The following CBL variants were observed in gnomAD, a reference collection of about 807,000 sequenced individuals.
CBL encodes the protein Cbl proto-oncogene.
CBL carries 45 observed loss-of-function variants against 96.9 expected under a neutral mutation model. The observed-to-expected ratio is 0.46, with a 90% confidence interval of 0.37 to 0.60. The LOEUF (loss-of-function observed/expected upper bound fraction) is 0.60. CBL is among the 20% of genes least tolerant of loss of function. The pLI is 0.00. For missense variants in CBL, 1,024 were observed against 1,143.5 expected, an observed-to-expected ratio of 0.90 and a Z score of 1.51; for synonymous variants, 420 against 426.8, an observed-to-expected ratio of 0.98 and a Z score of 0.20.
chr11:119,288,486 G>C (rs932977657), intron 12 of CBL, among the ~76,000 whole-genome samples: 1 of 151,832 alleles, frequency 6.6e-6, no homozygotes, highest in South Asian at 2.1e-4. Flanking sequence ...CAGAGAGAGA[G>C]AGAGAGAGCA....
In CBL at chr11:119,246,459, T is replaced by G. The variant is rs546549507; in HGVS notation, c.443+13764T>G. On this transcript the variant is annotated intron_variant, in intron 2 of 15. Transcript: ENST00000264033. ...CAAAACTGAACGAGTGTTAGTTTCT[T>G]TTTTCTTTTGAGATGGGAGTCTTGC... 1.8e-4 allele frequency among the ~76,000 whole-genome samples: 27 copies of G among 151,992 alleles called. No homozygotes were observed. The East Asian group carries it at 5.1e-3, about 28-fold the overall frequency.
Position 119,285,301 on chromosome 11 carries a change from G to A in CBL, c.1676G>A (p.Arg559Gln), listed in dbSNP as rs143034856. 9 of 1,613,902 alleles carry A rather than the reference G, an allele frequency of 5.6e-6. No homozygotes were observed. Among genetic ancestry groups the A allele is most frequent in the African/African-American group, 2.7e-5 (2 of 74,848 alleles). The change falls in exon 11 of 16, where the codon CGA (arginine) becomes CAA (glutamine). Residue 559 changes from arginine (R) to glutamine (Q), a missense_variant. Transcript: ENST00000264033. ...DRPYSVGAES[R>Q]PQRRPLPCTP... ...CCATATTCTGTTGGAGCAGAATCCC[G>A]ACCTCAAAGACGCCCCTTGCCTTGT...
chr11:119,208,126 G>GA (rs1949288846), intron 1 of CBL, among the ~76,000 whole-genome samples: 1 of 152,064 alleles, frequency 6.6e-6, no homozygotes. Context: ...AATCCTTACA[G>GA]AAAGTTTAGG....
chr11:119,232,416 A>C, intron 1 of CBL, 32 bp from the exon 2 acceptor site: 1 of 1,610,412 alleles, frequency 6.2e-7, no homozygotes, highest in Non-Finnish European at 8.5e-7. Context: ...AAAATTCTCC[A>C]AGTAATAGCC....
At chr11:119,277,237 T>A (rs1176466673) in intron 6 of CBL, among the ~76,000 whole-genome samples, 1 of 57,882 alleles carries the variant, frequency 1.7e-5, no homozygotes, top group African/African-American at 1.0e-4. Flanking sequence ...TAAGAATCTG[T>A]CGCGCACACA....
chr11:119,272,297 A>G (rs536419479), intron 3 of CBL, among the ~76,000 whole-genome samples: 2 of 152,036 alleles, frequency 1.3e-5, no homozygotes, highest in Non-Finnish European at 2.9e-5. Context: ...AATTTTTTGC[A>G]TTTTTAATAG....
At chr11:119,296,583 C>T (rs1344326899) in intron 12 of CBL, among the ~76,000 whole-genome samples, 1 of 152,156 alleles carries the variant, frequency 6.6e-6, no homozygotes, top group Non-Finnish European at 1.5e-5. Flanking sequence ...CTAACATTGT[C>T]AGAAAAAATC....
At chr11:119,269,999 A>G (rs1949831189) in intron 2 of CBL, among the ~76,000 whole-genome samples, 1 of 80,388 alleles carries the variant, frequency 1.2e-5, no homozygotes, top group South Asian at 1.2e-3. Context: ...TCCGTCTCAA[A>G]ATAAATAAAT....
chr11:119,244,655 C>T (rs531334098), intron 2 of CBL, among the ~76,000 whole-genome samples: 2 of 148,704 alleles, frequency 1.3e-5, no homozygotes, highest in East Asian at 4.0e-4. Flanking sequence ...GATCTCGGCT[C>T]ACTGCAAGCT....
At chr11:119,211,389 A>T (rs2135248368) in intron 1 of CBL, among the ~76,000 whole-genome samples, 1 of 152,024 alleles carries the variant, frequency 6.6e-6, no homozygotes, top group East Asian at 1.9e-4. Flanking sequence ...AACAACAAAA[A>T]ATCTTATTGT....
intron 2 of CBL, among the ~76,000 whole-genome samples, chr11:119,258,250 A>G (rs958486571): frequency 1.1e-4 from 16 of 152,160 alleles, no homozygotes; most frequent in African/African-American, 3.9e-4. Flanking sequence ...AAAACAAAAA[A>G]CAAAAAGACT....
chr11:119,221,968 A>T (rs1479380091), intron 1 of CBL, among the ~76,000 whole-genome samples: 3 of 152,160 alleles, frequency 2.0e-5, no homozygotes, highest in African/African-American at 7.2e-5. Context: ...ACTAGAGCCC[A>T]GGTCTCTGGA....
At chr11:119,236,181 C>G (rs1221136054) in intron 2 of CBL, among the ~76,000 whole-genome samples, 1 of 152,092 alleles carries the variant, frequency 6.6e-6, no homozygotes, top group Non-Finnish European at 1.5e-5. Flanking sequence ...ATTTTCACCC[C>G]CCAACAGGAA....
rs1006228086 is a variant in CBL at position 119,302,031 on chromosome 11, A to G, written c.*2250A>G. The G allele has an allele frequency of 9.0e-5, 21 of 232,984 alleles. No homozygotes were observed. The East Asian group carries it at 1.2e-3, about 13-fold the overall frequency. The allele number at this position is 232,984 out of a possible 1,614,324, so 14.4% of individuals were successfully genotyped here. On this transcript the variant is annotated 3_prime_UTR_variant, in exon 16 of 16. Coordinates refer to ENST00000264033, the MANE Select transcript of CBL (RefSeq NM_005188.4). The stretch of plus-strand genomic sequence containing the variant: ...TATCTTTTGCCTTTTCCATGCATCT[A>G]AATCTTCTCTGGAGATTATCTCCCT...
At chr11:119,274,439 C>T (rs930560312) in intron 4 of CBL, among the ~76,000 whole-genome samples, 31 of 152,150 alleles carry the variant, frequency 2.0e-4, no homozygotes, top group Non-Finnish European at 3.5e-4. Flanking sequence ...AAAACAACTC[C>T]TTTCTTTTTC....
chr11:119,222,031 T>G (rs1055773568), intron 1 of CBL, among the ~76,000 whole-genome samples: 1 of 152,138 alleles, frequency 6.6e-6, no homozygotes, highest in Admixed American at 6.6e-5. Flanking sequence ...TATTCATCCT[T>G]TTAAATTATA....
At chr11:119,278,022 T>C in intron 7 of CBL, 144 bp from the exon 8 acceptor site, 1 of 885,708 alleles carries the variant, frequency 1.1e-6, no homozygotes, top group Non-Finnish European at 1.8e-6. Flanking sequence ...AGATGCTTTC[T>C]GGTTTAATAA....
At position 119,271,762 on chromosome 11, in the gene CBL, C is replaced by G; in HGVS notation, c.471C>G (p.Ile157Met). 2 of 1,613,934 alleles carry G rather than the reference C, an allele frequency of 1.2e-6. No individual in the cohort carries two copies. The highest frequency in any genetic ancestry group is 1.7e-5 in the Admixed American group (1 of 60,024). Residue 157 changes from isoleucine (I) to methionine (M), a missense_variant, in exon 3 of 16, where the codon ATC becomes ATG. Ile to Met is a conservative substitution (Grantham distance 10). Around this residue, in one of 4 missense-constraint regions of CBL, gnomAD observed 192 missense variants for 321.8 expected, o/e 0.60. Coordinates refer to ENST00000264033, the MANE Select transcript of CBL (RefSeq NM_005188.4). Reference protein sequence around the residue: ...PRRNLTKLSLIFSHMLAELKG... With the variant: ...PRRNLTKLSLMFSHMLAELKG... ...GAAACCTAACCAAACTGTCCCTCAT[C>G]TTCAGCCACATGCTGGCAGAACTAA...
At chr11:119,251,227 A>G (rs2135280119) in intron 2 of CBL, among the ~76,000 whole-genome samples, 1 of 152,316 alleles carries the variant, frequency 6.6e-6, no homozygotes, top group Non-Finnish European at 1.5e-5. Flanking sequence ...TTCTGTATTC[A>G]TTGTGGAGCT....
Sources: allele counts gnomAD v4.1 joint callset (sites outside exome capture counted in the v4.1 genomes callset), GRCh38; gene constraint gnomAD v4.1.1; regional missense constraint gnomAD v4.1.1; transcripts MANE v1.5; gene names NCBI Gene and HGNC (gene_info 2026-07-23, HGNC 2026-07-21).